The following FRY variants were observed in gnomAD, a reference collection of about 807,000 sequenced individuals.
The protein encoded by FRY is FRY microtubule binding protein.
Under a neutral mutation model 348.4 loss-of-function variants are expected in FRY, and 128 were observed. The ratio of observed to expected loss-of-function variants is 0.37; its 90% CI spans 0.32 to 0.43. The LOEUF (loss-of-function observed/expected upper bound fraction) is 0.43, where lower values mean the gene tolerates loss of function less well. FRY is among the 20% of genes least tolerant of loss of function. The pLI, the probability that FRY is intolerant of heterozygous loss-of-function variation, is 1.00. For synonymous variants in FRY, 1,370 were observed against 1,374.7 expected, an observed-to-expected ratio of 1.00 and a Z score of 0.08; for missense variants, 2,736 against 3,695.2, an observed-to-expected ratio of 0.74 and a Z score of 6.73.
chr13:32,287,277 A>C (rs1321540860), intron 58 of FRY, among the ~76,000 whole-genome samples: 1 of 152,224 alleles, frequency 6.6e-6, no homozygotes, highest in Non-Finnish European at 1.5e-5. Context: ...TACAATGTTT[A>C]GTCCTTTGAA....
At position 32,078,979 on chromosome 13, in the gene FRY, C is replaced by T. The variant is rs761935471; in HGVS notation, c.216C>T (p.Val72=). The change falls in exon 2 of 61, where the codon GTC becomes GTT. Residue 72 remains valine (V), a synonymous_variant. Coordinates refer to ENST00000542859, the MANE Select transcript of FRY (RefSeq NM_023037.3). ...AATATGTCCTCAAAAGTTTATTTGTCAACTTCACCACTCAGGCTGAACGCA... is the reference window on the plus strand; with the variant it reads ...AATATGTCCTCAAAAGTTTATTTGTTAACTTCACCACTCAGGCTGAACGCA... ...PGEYVLKSLF[V]NFTTQAERKI... 6.8e-6 allele frequency: 11 copies of T among 1,613,924 alleles called. No individual in the cohort carries two copies. The highest frequency in any genetic ancestry group is 1.7e-5 in the Admixed American group (1 of 60,012).
At chr13:32,102,752 A>G (rs369934868) in intron 3 of FRY, among the ~76,000 whole-genome samples, 4 of 152,242 alleles carry the variant, frequency 2.6e-5, no homozygotes, top group African/African-American at 9.6e-5. Flanking sequence ...TTTAAAAATG[A>G]TGGATAACAG....
intron 31 of FRY, among the ~76,000 whole-genome samples, chr13:32,207,921 A>G (rs1468754340): frequency 6.6e-6 from 1 of 152,214 alleles, no homozygotes; most frequent in Non-Finnish European, 1.5e-5. Context: ...CCTGAGGATA[A>G]AATACCTTCT....
intron 1 of FRY, among the ~76,000 whole-genome samples, chr13:32,049,880 T>C (rs1229370730): frequency 6.6e-6 from 1 of 152,172 alleles, no homozygotes; most frequent in Non-Finnish European, 1.5e-5. Context: ...TCAAGCAAGC[T>C]GCTTTAAAAA....
At chr13:32,169,881 A>T (rs568766426) in intron 17 of FRY, among the ~76,000 whole-genome samples, 1 of 152,348 alleles carries the variant, frequency 6.6e-6, no homozygotes, top group South Asian at 2.1e-4. Flanking sequence ...GTTGTTCTAG[A>T]TTAAACCACA....
chr13:32,234,486 T>A, intron 41 of FRY, 88 bp from the exon 42 acceptor site: 1 of 1,127,444 alleles, frequency 8.9e-7, no homozygotes, highest in Non-Finnish European at 1.4e-6. Context: ...CCCTGTGCCG[T>A]TAGCCTGTTT....
At chr13:32,218,998 T>TA (rs150901093) in intron 36 of FRY, among the ~76,000 whole-genome samples, 167 bp downstream of exon 36, 18,906 of 141,016 alleles carry the variant, frequency 0.13, 1,322 homozygotes, top group African/African-American at 0.2. Flanking sequence ...CCTCAAAAGT[T>TA]AAAAAAAAAA....
chr13:32,146,509 T>C (rs772558169), intron 11 of FRY, among the ~76,000 whole-genome samples: 16 of 152,134 alleles, frequency 1.1e-4, no homozygotes, highest in Non-Finnish European at 1.9e-4. Flanking sequence ...CTAATTTTTG[T>C]ATTTTTAGTA....
chr13:32,134,953 C>G lies in FRY; in HGVS notation c.935C>G (p.Ala312Gly). The G allele has an allele frequency of 6.2e-7, 1 of 1,613,188 alleles. No individual in the cohort carries two copies. Among genetic ancestry groups the G allele is most frequent in the Non-Finnish European group, 8.5e-7 (1 of 1,179,118 alleles). ...GTCAAAGACAAAGATATCAAGCATGCCTTGGCTGGGCTTTTTGTTGAAATA... is the reference window on the plus strand; with the variant it reads ...GTCAAAGACAAAGATATCAAGCATGGCTTGGCTGGGCTTTTTGTTGAAATA... ...LEVKDKDIKHALAGLFVEILV... is the reference protein window; with the variant it reads ...LEVKDKDIKHGLAGLFVEILV... Residue 312 changes from alanine to glycine, a missense_variant, in exon 9 of 61, where the codon GCC becomes GGC. Around this residue, in one of 9 missense-constraint regions of FRY, gnomAD observed 309 missense variants for 418.1 expected, o/e 0.74. Transcript: ENST00000542859.
At position 32,297,932 on chromosome 13, in the gene FRY, A is replaced by G. The variant is rs1481156463; in HGVS notation, c.*2472A>G. 6.6e-6 allele frequency: 1 copy of G among 152,250 alleles called. No homozygotes were observed. Among genetic ancestry groups the G allele is most frequent in the East Asian group, 1.9e-4 (1 of 5,198 alleles). 9.4% of individuals were successfully genotyped at this position (152,250 alleles called of 1,614,324 possible). A position where few individuals can be genotyped will look rare whatever the true frequency, so the allele number is the denominator to read the frequency against. On this transcript the variant is annotated 3_prime_UTR_variant, in exon 61 of 61. Coordinates refer to ENST00000542859, the MANE Select transcript of FRY (RefSeq NM_023037.3). ...CATGATACACTTTGTATCCACCTGC[A>G]GAATAAAGCAATCCAGACAGGCGCT... is the stretch of plus-strand genomic sequence containing the variant.
chr13:32,135,116 T>G lies in FRY; in HGVS notation c.1010T>G (p.Leu337Arg). The G allele has an allele frequency of 6.2e-7, 1 of 1,612,352 alleles. No individual in the cohort carries two copies. Among genetic ancestry groups the G allele is most frequent in the Non-Finnish European group, 8.5e-7 (1 of 1,178,384 alleles). The change falls in exon 10 of 61, where the codon CTT becomes CGT. Residue 337 changes from leucine (L) to arginine (R), a missense_variant. By Grantham distance (102) the Leu-to-Arg change is moderately radical. Coordinates refer to ENST00000542859, the MANE Select transcript of FRY (RefSeq NM_023037.3). ...AAAAATGAAGTAAATGTTCCCTGCC[T>G]TAGAAATTTTGTGGAAAGCCTGTAT... is the stretch of plus-strand genomic sequence containing the variant. ...AVKNEVNVPC[L>R]RNFVESLYDT...
chr13:32,245,247 C>T (rs1294932118), intron 47 of FRY, among the ~76,000 whole-genome samples: 1 of 151,964 alleles, frequency 6.6e-6, no homozygotes, highest in Non-Finnish European at 1.5e-5. Flanking sequence ...ACGTCCAGCC[C>T]AGATTGATTC....
At chr13:32,045,067 T>C (rs992169614) in intron 1 of FRY, among the ~76,000 whole-genome samples, 1 of 152,174 alleles carries the variant, frequency 6.6e-6, no homozygotes, top group Non-Finnish European at 1.5e-5. Flanking sequence ...CACTATTTTT[T>C]CCCCATATTG....
chr13:32,202,666 T>C, intron 31 of FRY, 139 bp downstream of exon 31: 1 of 823,564 alleles, frequency 1.2e-6, no homozygotes, highest in Admixed American at 2.0e-5. Context: ...TTTAGAGTTA[T>C]GACCAGGCAC....
intron 30 of FRY, 148 bp downstream of exon 30, chr13:32,202,188 A>G: frequency 1.3e-6 from 1 of 794,852 alleles, no homozygotes; most frequent in Non-Finnish European, 2.2e-6. Context: ...AAGTAACTAT[A>G]TAATCTTTTG....
At chr13:32,224,845 AAG>A in intron 37 of FRY, 86 bp from the exon 38 acceptor site, 1 of 841,758 alleles carries the variant, frequency 1.2e-6, no homozygotes, top group South Asian at 1.4e-5. Context: ...AAAAACACTT[AAG>A]AGTTATATTG....
intron 24 of FRY, 148 bp from the exon 25 acceptor site, chr13:32,184,452 G>T (rs1483375653): frequency 2.0e-5 from 13 of 658,458 alleles, no homozygotes; most frequent in Non-Finnish European, 3.3e-5. Flanking sequence ...TTCCTCTGAG[G>T]ATTAGGAAGA....
In FRY at chr13:32,295,202, A is replaced by G. The variant is rs201317894; in HGVS notation, c.8784A>G (p.Arg2928=). The G allele has an allele frequency of 3.8e-5, 61 of 1,613,984 alleles. No individual in the cohort carries two copies. Among genetic ancestry groups the G allele is most frequent in the Admixed American group, 2.5e-4 (15 of 60,030 alleles). ...GKALRQIREC[R]SLWPNDIFGS... The stretch of plus-strand genomic sequence containing the variant: ...TCTGTGCTGTTCTTTTTGACTGCAG[A>G]AGTCTGTGGCCCAATGACATCTTTG... Residue 2928 remains arginine (R), a splice_region_variant and synonymous_variant, in exon 61 of 61, where the codon AGA becomes AGG. Coordinates refer to ENST00000542859, the MANE Select transcript of FRY (RefSeq NM_023037.3).
chr13:32,178,949 T>G lies in FRY; in HGVS notation c.2787T>G (p.Ser929Arg). Residue 929 changes from serine (S) to arginine (R), a missense_variant, in exon 22 of 61, where the codon AGT (serine) becomes AGG (arginine). Around this residue, in one of 9 missense-constraint regions of FRY, gnomAD observed 449 missense variants for 576.9 expected, o/e 0.78. Coordinates refer to ENST00000542859, the MANE Select transcript of FRY (RefSeq NM_023037.3). The stretch of plus-strand genomic sequence containing the variant: ...TTTGTTTTGGAGTTGCAAAACCCAG[T>G]ATTATGAGCCCAGGACACTTAAGAG... ...LILCFGVAKP[S>R]IMSPGHLRAS... 6.2e-7 allele frequency: 1 copy of G among 1,613,430 alleles called. No individual in the cohort carries two copies. The highest frequency in any genetic ancestry group is 8.5e-7 in the Non-Finnish European group (1 of 1,179,384).
Sources: allele counts gnomAD v4.1 joint callset (sites outside exome capture counted in the v4.1 genomes callset), GRCh38; gene constraint gnomAD v4.1.1; regional missense constraint gnomAD v4.1.1; transcripts MANE v1.5; gene names NCBI Gene and HGNC (gene_info 2026-07-23, HGNC 2026-07-21).